Variants in YEATS2 observed in about 807,000 individuals in gnomAD.
YEATS2 encodes the protein YEATS domain containing 2.
YEATS2 carries 77 observed loss-of-function variants against 163.2 expected under a neutral mutation model. The ratio of observed to expected loss-of-function variants is 0.47; its 90% confidence interval spans 0.39 to 0.57. The LOEUF is 0.57. Among genes scored for constraint, YEATS2 ranks in the 20% least tolerant of loss-of-function variants. YEATS2 has a pLI of 0.00. For synonymous variants in YEATS2, 631 were observed against 645.1 expected, an observed-to-expected ratio of 0.98 and a Z score of 0.33; for missense variants, 1,549 against 1,729.8, an observed-to-expected ratio of 0.90 and a Z score of 1.85.
At position 183,786,145 on chromosome 3, in the gene YEATS2, A is replaced by G. The variant is rs760574360; in HGVS notation, c.2757A>G (p.Ala919=). The part of the protein sequence containing the change: ...LFTQAAHGGQ[A]SLMKISDSTL... ...TGCAGGCAGCCCATGGAGGACAGGC[A>G]TCTCTAATGAAAATATCCGATAGCA... Residue 919 remains alanine (A), a synonymous_variant, in exon 20 of 31, where the codon GCA becomes GCG. Coordinates refer to ENST00000305135, the MANE Select transcript of YEATS2 (RefSeq NM_018023.5). 4 of 1,613,694 alleles carry G rather than the reference A, an allele frequency of 2.5e-6. No homozygotes were observed. In the South Asian group the frequency reaches 3.3e-5, roughly 13 times the overall value.
chr3:183,742,791 A>G (rs1174673396), intron 8 of YEATS2, among the ~76,000 whole-genome samples: 1 of 152,226 alleles, frequency 6.6e-6, no homozygotes, highest in Non-Finnish European at 1.5e-5. Context: ...CTACAGAGAA[A>G]TCTTTCATAA....
At chr3:183,725,846 C>T (rs262974) in intron 6 of YEATS2, among the ~76,000 whole-genome samples, 109,983 of 152,152 alleles carry the variant, frequency 0.72, 40,768 homozygotes, top group East Asian at 0.96. Flanking sequence ...TTCTTTTCTT[C>T]TGTTTTGAAA....
At chr3:183,723,780 C>T (rs968026327) in intron 5 of YEATS2, among the ~76,000 whole-genome samples, 2 of 151,926 alleles carry the variant, frequency 1.3e-5, no homozygotes, top group African/African-American at 2.4e-5. Context: ...GGCTTAGTGG[C>T]GGGTACCTGT....
At position 183,741,188 on chromosome 3, in the gene YEATS2, C is replaced by T. The variant is rs1310593866; in HGVS notation, c.924+4359C>T. 2.0e-5 allele frequency among the ~76,000 whole-genome samples: 3 copies of T among 152,186 alleles called. No homozygotes were observed. In the East Asian group the frequency reaches 5.8e-4, roughly 30 times the overall value. On this transcript the variant is annotated intron_variant, in intron 8 of 30. Coordinates refer to ENST00000305135, the MANE Select transcript of YEATS2 (RefSeq NM_018023.5). ...TCCTGAACTCAAGTGATCCACCCGC[C>T]TCAGCCTCCCAAAGTGCTGGAATTA...
rs1224892462 is a variant in YEATS2, at chr3:183,756,691, T to A, written c.1552+2T>A. On this transcript the variant is annotated splice_donor_variant, in intron 12 of 30. Coordinates refer to ENST00000305135, the MANE Select transcript of YEATS2 (RefSeq NM_018023.5). LOFTEE classifies it high-confidence loss of function. ...TTGGAGCCACCACTCCCAGTACAGGTGTGTATTAGATCCATATTTGTACCA... is the reference window on the plus strand; with the variant it reads ...TTGGAGCCACCACTCCCAGTACAGGAGTGTATTAGATCCATATTTGTACCA... 13 of 1,553,758 alleles carry A rather than the reference T, an allele frequency of 8.4e-6. No homozygotes were observed. The highest frequency in any genetic ancestry group is 1.0e-5 in the Non-Finnish European group (12 of 1,150,766).
At chr3:183,757,131 A>G (rs1720853129) in intron 12 of YEATS2, among the ~76,000 whole-genome samples, 3 of 152,058 alleles carry the variant, frequency 2.0e-5, no homozygotes, top group African/African-American at 7.2e-5. Flanking sequence ...GGGGAAATTG[A>G]AACCTGCAGT....
At chr3:183,723,014 C>G (rs953919472) in intron 5 of YEATS2, among the ~76,000 whole-genome samples, 2 of 152,234 alleles carry the variant, frequency 1.3e-5, no homozygotes, top group East Asian at 1.9e-4. Context: ...CTCCTGGATG[C>G]TGTTTACGTA....
chr3:183,729,195 C>T (rs562989180), intron 7 of YEATS2, among the ~76,000 whole-genome samples: 7 of 151,832 alleles, frequency 4.6e-5, no homozygotes, highest in African/African-American at 1.7e-4. Context: ...TGGCGTGAAC[C>T]AGGGAGGCGG....
chr3:183,788,395 C>T (rs1560316674), intron 20 of YEATS2, among the ~76,000 whole-genome samples: 2 of 152,176 alleles, frequency 1.3e-5, no homozygotes, highest in African/African-American at 2.4e-5. Flanking sequence ...TGAGTGAGAA[C>T]GTGTGAAATG....
intron 4 of YEATS2, among the ~76,000 whole-genome samples, chr3:183,720,326 G>A (rs1312092367): frequency 6.6e-6 from 1 of 152,164 alleles, no homozygotes; most frequent in East Asian, 1.9e-4. Flanking sequence ...ACCTGAAATA[G>A]GAGTATTTCT....
intron 7 of YEATS2, among the ~76,000 whole-genome samples, chr3:183,731,699 C>A (rs1474086310): frequency 6.6e-6 from 1 of 152,186 alleles, no homozygotes; most frequent in Non-Finnish European, 1.5e-5. Flanking sequence ...GTTTCTCTTT[C>A]ATCCTGGACA....
At chr3:183,738,052 A>G (rs1309503836) in intron 8 of YEATS2, among the ~76,000 whole-genome samples, 4 of 151,780 alleles carry the variant, frequency 2.6e-5, no homozygotes, top group Non-Finnish European at 5.9e-5. Flanking sequence ...TGATGTTACT[A>G]TTATTTTGGG....
intron 1 of YEATS2, among the ~76,000 whole-genome samples, chr3:183,700,723 A>G (rs1713981119): frequency 7.7e-6 from 1 of 129,812 alleles, no homozygotes. Context: ...GTGAACGGAG[A>G]TCGCGCCACT....
intron 8 of YEATS2, among the ~76,000 whole-genome samples, chr3:183,742,241 A>T (rs1020917812): frequency 3.3e-5 from 5 of 152,078 alleles, no homozygotes; most frequent in African/African-American, 9.7e-5. Context: ...AAAAGGAAAA[A>T]AATATATTTT....
Position 183,755,970 on chromosome 3 carries a change from T to TCA in YEATS2, c.1391-555_1391-554dup, listed in dbSNP as rs1443950138. 7.3e-4 allele frequency among the ~76,000 whole-genome samples: 111 copies of TCA among 152,120 alleles called. 1 individual carries two copies. Among genetic ancestry groups the TCA allele is most frequent in the African/African-American group, 2.5e-3 (104 of 41,502 alleles). ...CATGTTGGTCAGGCTGGTCTCGAAC[T>TCA]CACAACCTCAGGTGATCCGCCTGCC... On this transcript the variant is annotated intron_variant, in intron 11 of 30. Coordinates refer to ENST00000305135, the MANE Select transcript of YEATS2 (RefSeq NM_018023.5).
intron 1 of YEATS2, among the ~76,000 whole-genome samples, chr3:183,712,187 C>CTTTTATTTTA (rs58510341): frequency 0.16 from 18,030 of 113,382 alleles, 2,379 homozygotes; most frequent in Non-Finnish European, 0.19. Context: ...ATTTTATGTT[C>CTTTTATTTTA]TTTTATTTTA....
chr3:183,724,984 C>G (rs1318805468), intron 6 of YEATS2, among the ~76,000 whole-genome samples: 1 of 150,928 alleles, frequency 6.6e-6, no homozygotes, highest in African/African-American at 2.4e-5. Flanking sequence ...CTCAGGTGAT[C>G]CATCCACCTT....
intron 9 of YEATS2, among the ~76,000 whole-genome samples, chr3:183,748,824 C>G (rs967228392): frequency 3.9e-5 from 6 of 152,042 alleles, no homozygotes; most frequent in African/African-American, 1.5e-4. Context: ...GTCTCGAATT[C>G]TTGGCTTCAA....
chr3:183,775,836 C>T (rs1462919944), intron 17 of YEATS2, 79 bp from the exon 18 acceptor site: 3 of 1,597,260 alleles, frequency 1.9e-6, no homozygotes, highest in African/African-American at 2.7e-5. Flanking sequence ...GGAAACATCT[C>T]TCTGGGCTCA....
Sources: gnomAD v4.1 joint callset for allele counts (sites outside exome capture counted in the v4.1 genomes callset) on GRCh38, gnomAD v4.1.1 for gene constraint, MANE v1.5 for transcripts, NCBI Gene and HGNC (gene_info 2026-07-23, HGNC 2026-07-21) for gene names.